Variants in DPF3 observed in about 807,000 individuals in gnomAD.
DPF3 encodes double PHD fingers 3, also known as zinc finger protein DPF3.
In DPF3, 18 loss-of-function variants were observed where a neutral mutation model predicts 56.8. That is an observed-to-expected ratio of 0.32 (90% confidence interval 0.22 to 0.47). The LOEUF (loss-of-function observed/expected upper bound fraction) is 0.47. DPF3 is among the 20% of genes least tolerant of loss of function. DPF3 has a pLI of 1.00. For missense variants in DPF3, 403 were observed against 488.8 expected (o/e 0.82, Z 1.65); for synonymous variants, 188 against 180.2 (o/e 1.04, Z -0.35).
chr14:72,674,418 C>T (rs973144782), intron 7 of DPF3, 50 bp from the exon 8 acceptor site: 12 of 1,585,804 alleles, frequency 7.6e-6, no homozygotes, highest in Middle Eastern at 1.7e-4. Flanking sequence ...TGAGTTTCAA[C>T]TGCCCCTTCT....
At chr14:72,706,874 G>C (rs1888426484) in intron 6 of DPF3, among the ~76,000 whole-genome samples, 1 of 151,286 alleles carries the variant, frequency 6.6e-6, no homozygotes, top group Non-Finnish European at 1.5e-5. Context: ...TGTGTACAAT[G>C]TGCAGGTTAG....
chr14:72,887,152 A>AACACACACACACACACAC (rs149200705), intron 1 of DPF3, among the ~76,000 whole-genome samples: 4 of 138,138 alleles, frequency 2.9e-5, no homozygotes, highest in South Asian at 5.0e-4. Context: ...TCTGCCTCCA[A>AACACACACACACACACAC]ACACACACAC....
At chr14:72,668,697 C>G (rs1388346099) in intron 8 of DPF3, among the ~76,000 whole-genome samples, 2 of 151,796 alleles carry the variant, frequency 1.3e-5, no homozygotes, top group Non-Finnish European at 2.9e-5. Flanking sequence ...AAAAACACCT[C>G]AAGTGTAAAG....
chr14:72,665,085 A>G (rs193107953), intron 8 of DPF3, among the ~76,000 whole-genome samples: 1 of 152,302 alleles, frequency 6.6e-6, no homozygotes, highest in African/African-American at 2.4e-5. Flanking sequence ...TTCAACAGCA[A>G]CGGTCCATCT....
At position 72,655,861 on chromosome 14, in the gene DPF3, C is replaced by T. The variant is rs188909787; in HGVS notation, c.871+18379G>A. On this transcript the variant is annotated intron_variant, in intron 8 of 10. Coordinates refer to ENST00000556509, the MANE Select transcript of DPF3 (RefSeq NM_001280542.3). ...CATCTAGCTATAATGTAAAACATTACAGAACTAAATGGGGACCCCAAGAGG... is the reference window on the plus strand; with the variant it reads ...CATCTAGCTATAATGTAAAACATTATAGAACTAAATGGGGACCCCAAGAGG... Among the ~76,000 whole-genome samples, 336 of 152,332 alleles carry T rather than the reference C, an allele frequency of 2.2e-3. 1 individual carries two copies. Among genetic ancestry groups the T allele is most frequent in the Admixed American group, 3.6e-3 (55 of 15,304 alleles).
chr14:72,831,297 C>G (rs1240622696), intron 1 of DPF3, among the ~76,000 whole-genome samples: 4 of 152,090 alleles, frequency 2.6e-5, no homozygotes, highest in African/African-American at 9.7e-5. Flanking sequence ...AGTAGAAACC[C>G]CACCAAGACC....
At chr14:72,690,976 G>A (rs985339748) in intron 7 of DPF3, among the ~76,000 whole-genome samples, 3 of 152,220 alleles carry the variant, frequency 2.0e-5, no homozygotes, top group Non-Finnish European at 2.9e-5. Flanking sequence ...GAAAAGAGGA[G>A]AGAAAGGGAA....
At chr14:72,890,501 G>GATGATAATAATAATAATAATA (rs147775004) in intron 1 of DPF3, among the ~76,000 whole-genome samples, 3 of 146,536 alleles carry the variant, frequency 2.0e-5, no homozygotes, top group African/African-American at 7.6e-5. Context: ...AAAAAATAAT[G>GATGATAATAATAATAATAATA]ATAATAATAA....
intron 1 of DPF3, among the ~76,000 whole-genome samples, chr14:72,796,355 T>C (rs1171199521): frequency 2.0e-5 from 3 of 152,008 alleles, no homozygotes; most frequent in African/African-American, 7.3e-5. Flanking sequence ...TACAAAAAAT[T>C]AGCCAGGCAT....
At chr14:72,756,935 G>A (rs1567223092) in intron 2 of DPF3, among the ~76,000 whole-genome samples, 1 of 53,486 alleles carries the variant, frequency 1.9e-5, no homozygotes, top group Non-Finnish European at 4.0e-5. Flanking sequence ...AGAAAGAAGA[G>A]AAGAGAAGAG....
intron 3 of DPF3, among the ~76,000 whole-genome samples, chr14:72,745,594 G>A (rs927927056): frequency 6.6e-6 from 1 of 152,108 alleles, no homozygotes; most frequent in African/African-American, 2.4e-5. Flanking sequence ...ACCTCAAAAA[G>A]GTCATACCAA....
intron 2 of DPF3, among the ~76,000 whole-genome samples, chr14:72,756,822 C>CAGAAAGAAAGAA (rs71109746): frequency 3.4e-3 from 240 of 70,052 alleles, no homozygotes; most frequent in East Asian, 4.2e-3. Flanking sequence ...GAAAGAAAGA[C>CAGAAAGAAAGAA]AGAAAGAAAG....
At chr14:72,755,246 T>A (rs2139905897) in intron 2 of DPF3, among the ~76,000 whole-genome samples, 1 of 152,268 alleles carries the variant, frequency 6.6e-6, no homozygotes, top group Non-Finnish European at 1.5e-5. Context: ...TGCAAAAGTG[T>A]CCACACTTGT....
intron 6 of DPF3, among the ~76,000 whole-genome samples, chr14:72,694,978 T>TTG (rs1887846042): frequency 1.3e-5 from 2 of 152,204 alleles, no homozygotes; most frequent in Non-Finnish European, 2.9e-5. Flanking sequence ...TGCACTCCAT[T>TTG]TGGTCAGAGT....
At chr14:72,871,954 C>T (rs578254856) in intron 1 of DPF3, among the ~76,000 whole-genome samples, 19 of 152,354 alleles carry the variant, frequency 1.2e-4, no homozygotes, top group Middle Eastern at 3.4e-3. Context: ...CTGAGGGCCC[C>T]GCCCCTGCAG....
intron 1 of DPF3, among the ~76,000 whole-genome samples, chr14:72,821,946 T>A (rs1325711079): frequency 6.6e-6 from 1 of 152,096 alleles, no homozygotes; most frequent in African/African-American, 2.4e-5. Flanking sequence ...AGTTCAAGGC[T>A]GCAGTAAGCT....
intron 6 of DPF3, among the ~76,000 whole-genome samples, chr14:72,712,837 T>G (rs1407098886): frequency 6.6e-6 from 1 of 152,230 alleles, no homozygotes; most frequent in African/African-American, 2.4e-5. Flanking sequence ...ATTGCACCAC[T>G]GTACTCCAGC....
chr14:72,784,938 C>A (rs1227305397), intron 1 of DPF3, among the ~76,000 whole-genome samples: 1 of 150,380 alleles, frequency 6.6e-6, no homozygotes, highest in Non-Finnish European at 1.5e-5. Context: ...GCCTGGGCAA[C>A]AAGAGCAAAA....
intron 1 of DPF3, among the ~76,000 whole-genome samples, chr14:72,880,626 G>A (rs1213461002): frequency 1.3e-5 from 2 of 152,130 alleles, no homozygotes; most frequent in Non-Finnish European, 2.9e-5. Flanking sequence ...ACACAAACAC[G>A]GCTCACTGCA....
Sources: gnomAD v4.1 joint callset for allele counts (sites outside exome capture counted in the v4.1 genomes callset) on GRCh38, gnomAD v4.1.1 for gene constraint, MANE v1.5 for transcripts, NCBI Gene and HGNC (gene_info 2026-07-23, HGNC 2026-07-21) for gene names.